PCDH15: variants seen among roughly 807,000 people sequenced by gnomAD.
The protein encoded by PCDH15 is protocadherin related 15, also known as protocadherin-15.
A neutral mutation model predicts 178.5 loss-of-function variants in PCDH15; 129 were observed. That is an observed-to-expected ratio of 0.72 (90% CI 0.63 to 0.84). PCDH15 has a LOEUF of 0.84. Ranked by LOEUF, PCDH15 falls within the 40% of genes least tolerant of loss-of-function variation. The probability of loss-of-function intolerance (pLI) is 0.00; values close to 1 mark genes in which losing one functional copy is unlikely to be tolerated. For synonymous variants in PCDH15, 800 were observed against 732.0 expected (o/e 1.09, Z -1.50); for missense variants, 2,230 against 2,099.9 (o/e 1.06, Z -1.21).
intron 18 of PCDH15, among the ~76,000 whole-genome samples, chr10:54,030,528 A>G (rs2093262896): frequency 1.3e-5 from 2 of 152,030 alleles, no homozygotes; most frequent in Non-Finnish European, 2.9e-5. Context: ...AAGTAGACTT[A>G]CTGGCCAGAA....
chr10:53,831,270 T>C (rs1472695973), intron 30 of PCDH15, 45 bp downstream of exon 30: 2 of 1,570,488 alleles, frequency 1.3e-6, no homozygotes, highest in Non-Finnish European at 1.8e-6. Flanking sequence ...TTTTCTGCAA[T>C]GACTTCTGAG....
At chr10:55,164,332 G>A (rs1839141709) in intron 2 of PCDH15, among the ~76,000 whole-genome samples, 2 of 151,208 alleles carry the variant, frequency 1.3e-5, no homozygotes, top group Non-Finnish European at 2.9e-5. Flanking sequence ...TTTGGTCAAT[G>A]TTTTGTTTCC....
At chr10:54,838,432 C>T (rs1468768122) in intron 3 of PCDH15, among the ~76,000 whole-genome samples, 1 of 152,106 alleles carries the variant, frequency 6.6e-6, no homozygotes, top group African/African-American at 2.4e-5. Context: ...CTTTGCTTCT[C>T]CTTCATCTTC....
At chr10:54,573,966 T>C (rs993101786) in intron 2 of PCDH15, among the ~76,000 whole-genome samples, 24 of 152,204 alleles carry the variant, frequency 1.6e-4, no homozygotes, top group Non-Finnish European at 3.2e-4. Flanking sequence ...TTTCTCCCAT[T>C]GTGTAGGTTG....
intron 2 of PCDH15, among the ~76,000 whole-genome samples, chr10:55,049,088 A>G (rs562245115): frequency 6.6e-6 from 1 of 152,100 alleles, no homozygotes; most frequent in South Asian, 2.1e-4. Flanking sequence ...TTCCAGGGTG[A>G]GTACAAATGA....
In PCDH15 at chr10:54,048,457, G is replaced by C. The variant is rs1189881819; in HGVS notation, c.2220+18300C>G. Among the ~76,000 whole-genome samples the C allele has an allele frequency of 5.3e-5, 8 of 152,122 alleles. No individual in the cohort carries two copies. In the East Asian group the frequency reaches 1.5e-3, roughly 29 times the overall value. On this transcript the variant is annotated intron_variant, in intron 18 of 37. Coordinates refer to ENST00000644397, the MANE Select transcript of PCDH15 (RefSeq NM_001384140.1). ...TTGTGGCAATTGTTTCCAAGACTTA[G>C]TCATAACTTCTTTGCCAAGGCTGAT... is the stretch of plus-strand genomic sequence containing the variant.
At chr10:54,715,220 T>G (rs67690816) in intron 1 of PCDH15, among the ~76,000 whole-genome samples, 15,622 of 152,194 alleles carry the variant, frequency 0.1, 857 homozygotes, top group Admixed American at 0.12. Context: ...ATTATTTGAA[T>G]AGAGTTTGAT....
chr10:55,197,925 A>G (rs558342069), intron 1 of PCDH15, among the ~76,000 whole-genome samples: 15 of 152,252 alleles, frequency 9.9e-5, no homozygotes, highest in Middle Eastern at 3.4e-3. Context: ...TTTAAAGATA[A>G]CAAATCAATA....
At chr10:54,170,301 G>A (rs1233252726) in intron 13 of PCDH15, among the ~76,000 whole-genome samples, 1 of 152,072 alleles carries the variant, frequency 6.6e-6, no homozygotes, top group African/African-American at 2.4e-5. Context: ...GGCATGGTTA[G>A]TGTGGTCAGA....
intron 1 of PCDH15, among the ~76,000 whole-genome samples, chr10:54,709,716 G>A: frequency 6.9e-6 from 1 of 145,520 alleles, no homozygotes. Context: ...TATTTATGCA[G>A]GACATATCTA....
At chr10:54,853,203 T>A (rs1221790391) in intron 3 of PCDH15, among the ~76,000 whole-genome samples, 1 of 149,060 alleles carries the variant, frequency 6.7e-6, no homozygotes, top group Non-Finnish European at 1.5e-5. Flanking sequence ...GAGGTTGTAG[T>A]GAGCCGAGAT....
At chr10:55,538,146 G>A (rs1439500885) in intron 2 of PCDH15, among the ~76,000 whole-genome samples, 3 of 152,126 alleles carry the variant, frequency 2.0e-5, no homozygotes, top group African/African-American at 7.2e-5. Flanking sequence ...GATCACAGAT[G>A]ACATTCTCCT....
chr10:55,138,504 A>T (rs568304577), intron 2 of PCDH15, among the ~76,000 whole-genome samples: 13 of 152,032 alleles, frequency 8.6e-5, no homozygotes, highest in African/African-American at 2.7e-4. Context: ...GTTTCCCCCA[A>T]TGTTGTGTCC....
intron 8 of PCDH15, among the ~76,000 whole-genome samples, chr10:54,280,764 T>C (rs2058649676): frequency 6.6e-6 from 1 of 151,522 alleles, no homozygotes. Context: ...AAAAGAGATC[T>C]TGCAAGCCAG....
At chr10:55,290,822 C>A (rs1842989215) in intron 1 of PCDH15, among the ~76,000 whole-genome samples, 1 of 151,392 alleles carries the variant, frequency 6.6e-6, no homozygotes, top group African/African-American at 2.4e-5. Flanking sequence ...AATTAGAAAA[C>A]AAGAAAAGGT....
intron 2 of PCDH15, among the ~76,000 whole-genome samples, chr10:55,094,707 C>T (rs1842406239): frequency 6.6e-6 from 1 of 151,938 alleles, no homozygotes; most frequent in African/African-American, 2.4e-5. Flanking sequence ...ATATTTCAAA[C>T]CTAATGAAGG....
chr10:54,763,136 G>A (rs943797539), intron 1 of PCDH15, among the ~76,000 whole-genome samples: 1 of 152,108 alleles, frequency 6.6e-6, no homozygotes, highest in African/African-American at 2.4e-5. Context: ...AACCCACCCT[G>A]CTCTTTTGTG....
At chr10:54,060,819 A>G (rs2135739725) in intron 18 of PCDH15, among the ~76,000 whole-genome samples, 1 of 152,258 alleles carries the variant, frequency 6.6e-6, no homozygotes, top group Non-Finnish European at 1.5e-5. Flanking sequence ...TGGTCGTCTC[A>G]TTAAAGTATG....
intron 2 of PCDH15, among the ~76,000 whole-genome samples, chr10:55,417,304 G>A (rs756540895): frequency 2.0e-5 from 3 of 151,642 alleles, no homozygotes; most frequent in African/African-American, 2.4e-5. Context: ...ACTAAAATGA[G>A]AAAGACATTA....
Sources: allele counts gnomAD v4.1 joint callset (sites outside exome capture counted in the v4.1 genomes callset), GRCh38; gene constraint gnomAD v4.1.1; transcripts MANE v1.5; gene names NCBI Gene and HGNC (gene_info 2026-07-23, HGNC 2026-07-21).